IL1RAPL2: variants seen among roughly 807,000 people sequenced by gnomAD.
The protein encoded by IL1RAPL2 is X-linked interleukin-1 receptor accessory protein-like 2.
In IL1RAPL2, 3 loss-of-function variants were observed where a neutral mutation model predicts 44.1. That is an observed-to-expected ratio of 0.07 (90% CI 0.03 to 0.18). The LOEUF is 0.18. IL1RAPL2 is among the 10% of genes least tolerant of loss of function. IL1RAPL2 has a pLI of 1.00. For missense variants in IL1RAPL2, 391 were observed against 496.4 expected, an observed-to-expected ratio of 0.79 and a Z score of 2.02; for synonymous variants, 181 against 178.8, an observed-to-expected ratio of 1.01 and a Z score of -0.10.
chrX:105,042,052 C>A (rs996193175), intron 2 of IL1RAPL2, among the ~76,000 whole-genome samples: 3 of 111,171 alleles, frequency 2.7e-5, no homozygotes, highest in African/African-American at 9.8e-5. Context: ...GGATCCCTTC[C>A]TTACACCTTA....
intron 6 of IL1RAPL2, among the ~76,000 whole-genome samples, chrX:105,520,795 A>G (rs1304788275): frequency 9.1e-6 from 1 of 110,018 alleles, no homozygotes; most frequent in African/African-American, 3.3e-5. Flanking sequence ...AACTGCTTAT[A>G]CTCCTCCATT....
intron 2 of IL1RAPL2, among the ~76,000 whole-genome samples, chrX:105,186,117 A>G (rs1556133752): frequency 8.9e-6 from 1 of 111,734 alleles, no homozygotes; most frequent in Non-Finnish European, 1.9e-5. Context: ...ACCATTTTAT[A>G]TCAAGGTCTT....
rs758555702 is a variant in IL1RAPL2, at chrX:105,400,660, A to G, written c.698-83653A>G. Among the ~76,000 whole-genome samples the G allele has an allele frequency of 4.7e-5, 5 of 106,477 alleles. No individual in the cohort carries two copies. In the South Asian group the frequency reaches 1.8e-3, roughly 39 times the overall value. 92.5% of individuals were successfully genotyped at this position (106,477 alleles called of 115,157 possible). ...CATGCATTTGAAAAATAAAAAATGC[A>G]GTTATATTACCTGGTTTTATTGGCT... On this transcript the variant is annotated intron_variant, in intron 5 of 10. Coordinates refer to ENST00000372582, the MANE Select transcript of IL1RAPL2 (RefSeq NM_017416.2).
intron 1 of IL1RAPL2, among the ~76,000 whole-genome samples, chrX:104,570,267 G>T (rs1252852072): frequency 8.9e-6 from 1 of 112,012 alleles, no homozygotes; most frequent in African/African-American, 3.2e-5. Flanking sequence ...AGCCAACTTG[G>T]TAGAGAAAGG....
At chrX:105,124,397 C>T (rs973947173) in intron 2 of IL1RAPL2, among the ~76,000 whole-genome samples, 2 of 110,661 alleles carry the variant, frequency 1.8e-5, no homozygotes, top group African/African-American at 6.5e-5. Flanking sequence ...ATCCATATAC[C>T]TCAGAGTACA....
chrX:104,988,411 T>C (rs1372124231), intron 2 of IL1RAPL2, among the ~76,000 whole-genome samples: 1 of 112,392 alleles, frequency 8.9e-6, no homozygotes, highest in Non-Finnish European at 1.9e-5. Context: ...AACACTGTAG[T>C]TTCTATGCAT....
chrX:104,567,266 T>C (rs1877241685), intron 1 of IL1RAPL2, among the ~76,000 whole-genome samples: 1 of 112,921 alleles, frequency 8.9e-6, no homozygotes, highest in South Asian at 3.6e-4. Context: ...CAGGGGCTCT[T>C]CGCCTGGGAG....
chrX:105,445,106 A>G (rs1429290375), intron 5 of IL1RAPL2, among the ~76,000 whole-genome samples: 1 of 111,206 alleles, frequency 9.0e-6, no homozygotes. Context: ...GGATTTCTTC[A>G]TGGTTCAATC....
chrX:105,751,864 T>C (rs902374545), intron 9 of IL1RAPL2, among the ~76,000 whole-genome samples: 2 of 111,790 alleles, frequency 1.8e-5, no homozygotes, highest in Admixed American at 1.9e-4. Flanking sequence ...ATCTATCAAG[T>C]TTTTCATTTC....
At chrX:105,310,877 A>G (rs2034791742) in intron 5 of IL1RAPL2, among the ~76,000 whole-genome samples, 1 of 111,707 alleles carries the variant, frequency 9.0e-6, no homozygotes, top group African/African-American at 3.2e-5. Context: ...CTTATTTTTA[A>G]TCTAATCATT....
intron 2 of IL1RAPL2, among the ~76,000 whole-genome samples, chrX:105,041,565 C>G (rs1241311858): frequency 9.1e-6 from 1 of 109,422 alleles, no homozygotes; most frequent in Non-Finnish European, 1.9e-5. Context: ...CACTGCTCAA[C>G]GAAATAAAAG....
intron 2 of IL1RAPL2, among the ~76,000 whole-genome samples, chrX:105,023,513 G>A (rs1010001871): frequency 1.2e-4 from 13 of 111,300 alleles, no homozygotes; most frequent in South Asian, 7.5e-4. Context: ...CCTTGTGTAC[G>A]TGTGTACTGC....
intron 2 of IL1RAPL2, among the ~76,000 whole-genome samples, chrX:104,950,505 C>G (rs1226056909): frequency 1.8e-5 from 2 of 112,410 alleles, no homozygotes; most frequent in Non-Finnish European, 3.8e-5. Flanking sequence ...CCACCCATTT[C>G]GAGCTTCGGG....
intron 2 of IL1RAPL2, among the ~76,000 whole-genome samples, chrX:105,012,674 C>CAGAGAGAG (rs59693765): frequency 2.1e-3 from 173 of 81,265 alleles, no homozygotes; most frequent in African/African-American, 9.8e-3. Flanking sequence ...CACACACACA[C>CAGAGAGAG]AGAGAGAGAG....
At chrX:105,679,882 G>A (rs2037908351) in intron 6 of IL1RAPL2, among the ~76,000 whole-genome samples, 1 of 112,089 alleles carries the variant, frequency 8.9e-6, no homozygotes, top group African/African-American at 3.2e-5. Context: ...TATTTTGATG[G>A]ATGTTTTCAT....
chrX:105,193,089 C>T (rs1462085443), intron 2 of IL1RAPL2, among the ~76,000 whole-genome samples: 2 of 111,950 alleles, frequency 1.8e-5, no homozygotes, highest in South Asian at 3.7e-4. Flanking sequence ...TACCATGTCC[C>T]ATCACAAATA....
intron 5 of IL1RAPL2, among the ~76,000 whole-genome samples, chrX:105,331,103 A>C (rs1409320693): frequency 8.9e-6 from 1 of 111,869 alleles, no homozygotes; most frequent in African/African-American, 3.2e-5. Flanking sequence ...TATTATGTTT[A>C]TTATTCAAGG....
chrX:104,922,599 C>T (rs1924672832), intron 2 of IL1RAPL2, among the ~76,000 whole-genome samples: 2 of 111,579 alleles, frequency 1.8e-5, no homozygotes, highest in African/African-American at 6.5e-5. Flanking sequence ...CACAAAGAAG[C>T]AAAGCCGAAG....
At chrX:105,432,716 G>A (rs1306334494) in intron 5 of IL1RAPL2, among the ~76,000 whole-genome samples, 1 of 110,940 alleles carries the variant, frequency 9.0e-6, no homozygotes, top group Non-Finnish European at 1.9e-5. Flanking sequence ...GTGGGATAAG[G>A]GAGAATTCAG....
Sources: gnomAD v4.1 joint callset for allele counts (sites outside exome capture counted in the v4.1 genomes callset) on GRCh38, gnomAD v4.1.1 for gene constraint, MANE v1.5 for transcripts, NCBI Gene and HGNC (gene_info 2026-07-23, HGNC 2026-07-21) for gene names.